The following ARHGAP10 variants were observed in gnomAD, a reference collection of about 807,000 sequenced individuals.
The protein encoded by ARHGAP10 is Rho GTPase activating protein 10.
Under a neutral mutation model 108.6 loss-of-function variants are expected in ARHGAP10, and 87 were observed. The ratio of observed to expected loss-of-function variants is 0.80; its 90% CI spans 0.67 to 0.96. ARHGAP10 has a LOEUF of 0.96. Among genes scored for constraint, ARHGAP10 ranks in the 40% least tolerant of loss-of-function variants. The pLI, the probability that ARHGAP10 is intolerant of heterozygous loss-of-function variation, is 0.00. For synonymous variants in ARHGAP10, 347 were observed against 341.1 expected, an observed-to-expected ratio of 1.02 and a Z score of -0.19; for missense variants, 939 against 954.5, an observed-to-expected ratio of 0.98 and a Z score of 0.21.
At chr4:148,015,717 C>A (rs1741320526) in intron 18 of ARHGAP10, among the ~76,000 whole-genome samples, 1 of 152,198 alleles carries the variant, frequency 6.6e-6, no homozygotes, top group Admixed American at 6.5e-5. Context: ...GGGAGTGAAC[C>A]TAGTCAAACA....
chr4:147,760,863 G>A (rs777200933), intron 1 of ARHGAP10, among the ~76,000 whole-genome samples: 4 of 152,180 alleles, frequency 2.6e-5, no homozygotes, highest in Non-Finnish European at 5.9e-5. Context: ...CTGAGAGATG[G>A]TAGTTCCTGG....
At chr4:147,982,365 CTT>C (rs70958599) in intron 18 of ARHGAP10, among the ~76,000 whole-genome samples, 75 of 124,622 alleles carry the variant, frequency 6.0e-4, no homozygotes, top group Non-Finnish European at 8.6e-4. Context: ...TTCTTTCTTT[CTT>C]TTTTTTTTTT....
intron 16 of ARHGAP10, among the ~76,000 whole-genome samples, chr4:147,958,347 C>T (rs760171142): frequency 6.6e-6 from 1 of 152,132 alleles, no homozygotes; most frequent in Non-Finnish European, 1.5e-5. Context: ...GTCAGTTAAA[C>T]CAAAACACTT....
chr4:147,933,780 G>A (rs1430154666), intron 13 of ARHGAP10, among the ~76,000 whole-genome samples: 1 of 152,226 alleles, frequency 6.6e-6, no homozygotes, highest in Non-Finnish European at 1.5e-5. Flanking sequence ...TCTGACTATA[G>A]CAGAATGGGC....
intron 11 of ARHGAP10, among the ~76,000 whole-genome samples, chr4:147,908,241 A>G (rs1736581264): frequency 6.6e-6 from 1 of 152,226 alleles, no homozygotes; most frequent in African/African-American, 2.4e-5. Context: ...AACAGGTTAT[A>G]CTAGTCTTCT....
chr4:147,857,214 T>A (rs1468594559), intron 4 of ARHGAP10, among the ~76,000 whole-genome samples: 1 of 152,250 alleles, frequency 6.6e-6, no homozygotes, highest in Non-Finnish European at 1.5e-5. Context: ...TTTTAAGCTT[T>A]ATGTTATTTT....
chr4:147,851,740 C>T (rs1007024220), intron 4 of ARHGAP10, among the ~76,000 whole-genome samples: 3 of 152,176 alleles, frequency 2.0e-5, no homozygotes, highest in Non-Finnish European at 4.4e-5. Flanking sequence ...GGAATTACAA[C>T]ACTGGCCAGC....
intron 10 of ARHGAP10, among the ~76,000 whole-genome samples, chr4:147,883,530 A>G (rs1271019607): frequency 1.3e-5 from 2 of 152,164 alleles, no homozygotes; most frequent in Non-Finnish European, 2.9e-5. Flanking sequence ...ATTCCTTGCC[A>G]TAGCTCTCTC....
chr4:147,893,849 A>G (rs1282232069), intron 10 of ARHGAP10, among the ~76,000 whole-genome samples: 1 of 152,112 alleles, frequency 6.6e-6, no homozygotes, highest in African/African-American at 2.4e-5. Context: ...AATTAGAAAC[A>G]GCATTTCTAG....
chr4:147,918,603 G>A (rs1483548219), intron 13 of ARHGAP10, among the ~76,000 whole-genome samples: 2 of 152,118 alleles, frequency 1.3e-5, no homozygotes, highest in Non-Finnish European at 2.9e-5. Flanking sequence ...TCTTTCTGTT[G>A]GCCATCCCTG....
In ARHGAP10 at chr4:147,847,204, G is replaced by A. The variant is rs144122508; in HGVS notation, c.366G>A (p.Glu122=). Reference sequence around the variant, plus strand: ...AACCCTTGGAAAAATTCAGAAAAGAGCAACTTGGAGCTGTAAAGGTTTGTG... The same window carrying A: ...AACCCTTGGAAAAATTCAGAAAAGAACAACTTGGAGCTGTAAAGGTTTGTG... ...LIKPLEKFRK[E]QLGAVKEEKK... The change falls in exon 4 of 23, where the codon GAG becomes GAA. Residue 122 remains glutamate (E), a synonymous_variant. Transcript: ENST00000336498. 4.3e-6 allele frequency: 7 copies of A among 1,612,604 alleles called. No homozygotes were observed. In the African/African-American group the frequency reaches 6.7e-5, roughly 15 times the overall value.
chr4:148,005,222 T>C (rs866175449), intron 18 of ARHGAP10, among the ~76,000 whole-genome samples: 5 of 152,188 alleles, frequency 3.3e-5, no homozygotes, highest in Admixed American at 1.3e-4. Context: ...AGGCATTCAG[T>C]TAGTGTGTGA....
At chr4:147,913,467 G>T (rs1019940031) in intron 13 of ARHGAP10, among the ~76,000 whole-genome samples, 10 of 152,216 alleles carry the variant, frequency 6.6e-5, no homozygotes, top group Non-Finnish European at 1.5e-4. Flanking sequence ...GAGGCTGGAA[G>T]TTCAAAATCA....
intron 5 of ARHGAP10, chr4:147,863,725 T>C (rs923646891): frequency 6.6e-6 from 1 of 152,192 alleles, no homozygotes; most frequent in African/African-American, 2.4e-5. Context: ...TTCTGGTTAA[T>C]GAAGCCACAA....
At chr4:147,938,366 G>T (rs1738034442) in intron 13 of ARHGAP10, among the ~76,000 whole-genome samples, 1 of 151,730 alleles carries the variant, frequency 6.6e-6, no homozygotes, top group South Asian at 2.1e-4. Context: ...GAACTTAAAA[G>T]TTAAAAAAAA....
chr4:147,782,849 A>G (rs1271270298), intron 1 of ARHGAP10, among the ~76,000 whole-genome samples: 1 of 145,946 alleles, frequency 6.9e-6, no homozygotes, highest in Admixed American at 7.0e-5. Flanking sequence ...CCCAGGAAAA[A>G]TTTTCATATA....
chr4:148,032,336 C>A lies in ARHGAP10; in HGVS notation c.1867+8923C>A, dbSNP rs1397600353. 5.5e-5 allele frequency among the ~76,000 whole-genome samples: 3 copies of A among 54,594 alleles called. 1 individual carries two copies. Among genetic ancestry groups the A allele is most frequent in the Non-Finnish European group, 1.1e-4 (3 of 26,302 alleles). 35.8% of individuals were successfully genotyped at this position (54,594 alleles called of 152,430 possible). On this transcript the variant is annotated intron_variant, in intron 19 of 22. Coordinates refer to ENST00000336498, the MANE Select transcript of ARHGAP10 (RefSeq NM_024605.4). ...TTGGCAATTTCAACTGTCCCCCCCCCCCCCCCCCCCATATTGTAGGCCAAA... is the reference window on the plus strand; with the variant it reads ...TTGGCAATTTCAACTGTCCCCCCCCACCCCCCCCCCATATTGTAGGCCAAA...
intron 7 of ARHGAP10, among the ~76,000 whole-genome samples, chr4:147,873,866 C>T (rs954709685): frequency 7.0e-6 from 1 of 142,362 alleles, no homozygotes; most frequent in African/African-American, 2.9e-5. Flanking sequence ...CAGAGTGAGA[C>T]CCTGTCTTTA....
intron 13 of ARHGAP10, among the ~76,000 whole-genome samples, chr4:147,926,681 A>G (rs1320098247): frequency 6.6e-6 from 1 of 152,196 alleles, no homozygotes; most frequent in African/African-American, 2.4e-5. Flanking sequence ...ATCTTTGTGA[A>G]TGCTTCTATT....
Sources: allele counts gnomAD v4.1 joint callset (sites outside exome capture counted in the v4.1 genomes callset), GRCh38; gene constraint gnomAD v4.1.1; transcripts MANE v1.5; gene names NCBI Gene and HGNC (gene_info 2026-07-23, HGNC 2026-07-21).